Variants in RANBP2 observed in about 807,000 individuals in gnomAD.
RANBP2 encodes E3 SUMO-protein ligase RanBP2.
In RANBP2, 57 loss-of-function variants were observed where a neutral mutation model predicts 303.6. The ratio of observed to expected loss-of-function variants is 0.19; its 90% confidence interval spans 0.15 to 0.23. RANBP2 has a LOEUF of 0.23. RANBP2 is among the 10% of genes least tolerant of loss of function. RANBP2 has a pLI of 1.00. For missense variants in RANBP2, 3,138 were observed against 3,780.8 expected (o/e 0.83, Z 4.46); for synonymous variants, 1,167 against 1,301.5 (o/e 0.90, Z 2.23).
the RANBP2 span, among the ~76,000 whole-genome samples, chr2:109,542,307 C>T: frequency 2.6e-5 from 4 of 152,254 alleles, no homozygotes; most frequent in East Asian, 1.9e-4. Context: ...CACATTGCGG[C>T]TGAAGCAGGA....
At chr2:109,053,748 T>C in the RANBP2 span, among the ~76,000 whole-genome samples, 1 of 152,218 alleles carries the variant, frequency 6.6e-6, no homozygotes, top group Admixed American at 6.5e-5. Flanking sequence ...GCTGCTGCTC[T>C]ATAAACAGGG....
chr2:108,914,525 C>G, the RANBP2 span, among the ~76,000 whole-genome samples: 10 of 152,180 alleles, frequency 6.6e-5, no homozygotes, highest in African/African-American at 1.4e-4. Flanking sequence ...AAAATGGAAG[C>G]TGATTTTGCT....
chr2:109,216,998 A>G, the RANBP2 span, among the ~76,000 whole-genome samples: 2 of 152,060 alleles, frequency 1.3e-5, no homozygotes, highest in Non-Finnish European at 2.9e-5. Context: ...TGTTTCTTTG[A>G]ATTTGGCTGG....
At chr2:108,797,487 C>T in the RANBP2 span, among the ~76,000 whole-genome samples, 1 of 151,996 alleles carries the variant, frequency 6.6e-6, no homozygotes. Flanking sequence ...AGGAGTGATT[C>T]TGAAATGAGA....
the RANBP2 span, among the ~76,000 whole-genome samples, chr2:108,791,293 G>A: frequency 6.6e-5 from 10 of 151,880 alleles, no homozygotes; most frequent in Non-Finnish European, 8.8e-5. Flanking sequence ...CTTTCTACTC[G>A]TTATGTCACC....
the RANBP2 span, among the ~76,000 whole-genome samples, chr2:108,854,041 T>C: frequency 2.6e-3 from 288 of 112,674 alleles, 2 homozygotes; most frequent in African/African-American, 0.01. Flanking sequence ...ATATATAATA[T>C]ATAATAAATT....
chr2:109,438,234 G>T, the RANBP2 span, among the ~76,000 whole-genome samples: 1 of 152,168 alleles, frequency 6.6e-6, no homozygotes, highest in African/African-American at 2.4e-5. Flanking sequence ...TCATCCACTT[G>T]CCCACCCAAG....
chr2:109,454,033 C>T, the RANBP2 span, among the ~76,000 whole-genome samples: 1 of 152,206 alleles, frequency 6.6e-6, no homozygotes, highest in Non-Finnish European at 1.5e-5. Context: ...AACTTAACTA[C>T]TTAAATATCC....
chr2:109,302,711 C>T, the RANBP2 span, among the ~76,000 whole-genome samples: 1 of 152,082 alleles, frequency 6.6e-6, no homozygotes, highest in South Asian at 2.1e-4. Context: ...TCCCGGGAGA[C>T]AAGGCATCAT....
At chr2:108,944,508 T>C in the RANBP2 span, among the ~76,000 whole-genome samples, 11 of 152,214 alleles carry the variant, frequency 7.2e-5, 1 homozygote, top group Admixed American at 5.9e-4. Flanking sequence ...TCTAACCTCA[T>C]GGGGCTGTTA....
chr2:109,230,138 T>C, the RANBP2 span, among the ~76,000 whole-genome samples: 1 of 152,150 alleles, frequency 6.6e-6, no homozygotes, highest in Non-Finnish European at 1.5e-5. Context: ...TTTTTTTTCT[T>C]CTTAAGGCAG....
chr2:109,469,212 G>A, the RANBP2 span, among the ~76,000 whole-genome samples: 1,373 of 152,354 alleles, frequency 9.0e-3, 11 homozygotes, highest in Non-Finnish European at 0.015. Context: ...TGCATTGTGC[G>A]CTATCCCAGA....
the RANBP2 span, among the ~76,000 whole-genome samples, chr2:109,028,948 T>G: frequency 6.6e-6 from 1 of 151,020 alleles, no homozygotes; most frequent in Admixed American, 6.9e-5. Flanking sequence ...TTTGTTTGTT[T>G]ATTTATTTAT....
At chr2:109,565,932 G>GA in the RANBP2 span, 3 of 1,277,056 alleles carry the variant, frequency 2.3e-6, no homozygotes, top group Non-Finnish European at 3.4e-6. Flanking sequence ...TTTTATGTGA[G>GA]AGAGAAGAGA....
At chr2:109,335,181 C>T in the RANBP2 span, among the ~76,000 whole-genome samples, 1 of 152,260 alleles carries the variant, frequency 6.6e-6, no homozygotes. Context: ...GTTCCTTGCG[C>T]CTGATCTAGA....
the RANBP2 span, among the ~76,000 whole-genome samples, chr2:109,461,785 T>G: frequency 6.6e-6 from 1 of 152,246 alleles, no homozygotes; most frequent in South Asian, 2.1e-4. Flanking sequence ...TAGAGCATCT[T>G]TCACAGCAGC....
At chr2:108,942,850 CTT>C in the RANBP2 span, among the ~76,000 whole-genome samples, 1 of 152,232 alleles carries the variant, frequency 6.6e-6, no homozygotes, top group Non-Finnish European at 1.5e-5. Context: ...GGCTCCCAGT[CTT>C]TTAAGTTTGA....
the RANBP2 span, among the ~76,000 whole-genome samples, chr2:109,662,162 C>T: frequency 5.9e-5 from 9 of 152,170 alleles, no homozygotes; most frequent in Non-Finnish European, 2.9e-5. Flanking sequence ...GCAGAACTTT[C>T]TTAGGTCTGT....
the RANBP2 span, among the ~76,000 whole-genome samples, chr2:109,673,940 G>A: frequency 2.6e-5 from 4 of 151,954 alleles, no homozygotes; most frequent in Non-Finnish European, 5.9e-5. Context: ...GTTTTAATTT[G>A]CATTTTTCTG....
Sources: allele counts gnomAD v4.1 joint callset (sites outside exome capture counted in the v4.1 genomes callset), GRCh38; gene constraint gnomAD v4.1.1; transcripts MANE v1.5; gene names NCBI Gene and HGNC (gene_info 2026-07-23, HGNC 2026-07-21).